Variants in ZNF211 observed in about 807,000 individuals in gnomAD.
ZNF211 encodes zinc finger protein 211.
In ZNF211, 18 loss-of-function variants were observed where a neutral mutation model predicts 12.1. The observed-to-expected ratio is 1.48, with a 90% CI of 1.03 to 2.20. The LOEUF (loss-of-function observed/expected upper bound fraction) is 2.20, where lower values mean the gene tolerates loss of function less well. Ranked by LOEUF, ZNF211 falls within the 30% of genes most tolerant of loss-of-function variation. ZNF211 has a pLI of 0.00. For missense variants in ZNF211, 677 were observed against 703.1 expected, an observed-to-expected ratio of 0.96 and a Z score of 0.42; for synonymous variants, 249 against 246.0, an observed-to-expected ratio of 1.01 and a Z score of -0.11.
Position 57,642,580 on chromosome 19 carries a change from C to T in ZNF211, c.*399C>T, listed in dbSNP as rs1983119021. The stretch of plus-strand genomic sequence containing the variant: ...AAGTTAGGGCATGGACTTGACCCAG[C>T]TTTGTGCCAGAGAACCCAATATGAG... On this transcript the variant is annotated 3_prime_UTR_variant, in exon 4 of 4. Coordinates refer to ENST00000240731, the MANE Select transcript of ZNF211 (RefSeq NM_006385.5). 1 of 168,312 alleles carries T rather than the reference C, an allele frequency of 5.9e-6. No individual in the cohort carries two copies. Among genetic ancestry groups the T allele is most frequent in the African/African-American group, 2.4e-5 (1 of 41,838 alleles). 10.4% of individuals were successfully genotyped at this position (168,312 alleles called of 1,614,324 possible). A position where few individuals can be genotyped will look rare whatever the true frequency, so the allele number is the denominator to read the frequency against.
intron 3 of ZNF211, among the ~76,000 whole-genome samples, chr19:57,639,181 T>C (rs1982527054): frequency 6.6e-6 from 1 of 152,164 alleles, no homozygotes; most frequent in Middle Eastern, 3.4e-3. Context: ...CTTTGTCTTT[T>C]GGCAGAGTTT....
In ZNF211 at chr19:57,641,184, A is replaced by G; in HGVS notation, c.737A>G (p.Lys246Arg). The G allele has an allele frequency of 1.2e-6, 2 of 1,614,228 alleles. No individual in the cohort carries two copies. Among genetic ancestry groups the G allele is most frequent in the East Asian group, 4.5e-5 (2 of 44,880 alleles). Residue 246 changes from lysine to arginine, a missense_variant, in exon 4 of 4, where the codon AAA (lysine) becomes AGA (arginine). Transcript: ENST00000240731. The part of the protein sequence containing the change: ...YSGKSHHNWG[K>R]CSKAFSHIDT... ...GGAAAAAGTCATCACAACTGGGGAA[A>G]ATGCAGTAAAGCCTTTAGCCACATA...
intron 1 of ZNF211, 71 bp from the exon 2 acceptor site, chr19:57,633,952 G>A: frequency 6.2e-7 from 1 of 1,605,924 alleles, no homozygotes; most frequent in South Asian, 1.1e-5. Flanking sequence ...CGGGGCAAGG[G>A]TACAGGGAAG....
In ZNF211 at chr19:57,634,632, A is replaced by T. The variant is rs1482040893; in HGVS notation, c.133A>T (p.Ser45Cys). 6.3e-7 allele frequency: 1 copy of T among 1,586,400 alleles called. No homozygotes were observed. Among genetic ancestry groups the T allele is most frequent in the Non-Finnish European group, 8.6e-7 (1 of 1,166,092 alleles). ...TCATCAATCCCTATTATGCTAGGGA[A>T]GTGTGACCTTTGAAGATGTGGCCGT... ...TEVLFKLTQG[S>C]VTFEDVAVYF... The change falls in exon 3 of 4, where the codon AGT (serine) becomes TGT (cysteine). Residue 45 changes from serine (S) to cysteine (C), a missense_variant. Ser to Cys is a moderately radical substitution (Grantham distance 112). Transcript: ENST00000240731.
At position 57,642,336 on chromosome 19, in the gene ZNF211, A is replaced by G. The variant is rs550052719; in HGVS notation, c.*155A>G. ...CCAGGTATGTGTTACACTTTCTAACATGCCATTTAGAAAGTGTTAGACTTT... is the reference window on the plus strand; with the variant it reads ...CCAGGTATGTGTTACACTTTCTAACGTGCCATTTAGAAAGTGTTAGACTTT... On this transcript the variant is annotated 3_prime_UTR_variant, in exon 4 of 4. Transcript: ENST00000240731. 1,419 of 820,192 alleles carry G rather than the reference A, an allele frequency of 1.7e-3. 3 individuals carry two copies. Among genetic ancestry groups the G allele is most frequent in the Non-Finnish European group, 2.3e-3 (1,239 of 539,140 alleles). The allele number at this position is 820,192 out of a possible 1,614,324, so 50.8% of individuals were successfully genotyped here.
chr19:57,642,377 T>TGATAC lies in ZNF211; in HGVS notation c.*197_*198insATACG. The TGATAC allele has an allele frequency of 1.6e-6, 1 of 613,434 alleles. No homozygotes were observed. The highest frequency in any genetic ancestry group is 2.7e-6 in the Non-Finnish European group (1 of 369,428). The allele number at this position is 613,434 out of a possible 1,614,324, so 38.0% of individuals were successfully genotyped here. A position where few individuals can be genotyped will look rare whatever the true frequency, so the allele number is the denominator to read the frequency against. On this transcript the variant is annotated 3_prime_UTR_variant, in exon 4 of 4. Transcript: ENST00000240731. ...GTTAGACTTTCTCACCTGCCATTTATGGCTCTTGCCGTTTATGTCACTGAC... is the reference window on the plus strand; with the variant it reads ...GTTAGACTTTCTCACCTGCCATTTATGATACGGCTCTTGCCGTTTATGTCACTGAC...
At position 57,641,777 on chromosome 19, in the gene ZNF211, G is replaced by A. The variant is rs1184245666; in HGVS notation, c.1330G>A (p.Gly444Arg). 2 of 1,613,640 alleles carry A rather than the reference G, an allele frequency of 1.2e-6. No homozygotes were observed. The highest frequency in any genetic ancestry group is 3.3e-5 in the Admixed American group (2 of 59,970). ...AAGACCCTATGAGTGCAGTAAATGT[G>A]GGAAGTCATTTAAGCAAAGCTCCAG... ...GERPYECSKC[G>R]KSFKQSSSFS... Residue 444 changes from glycine to arginine, a missense_variant, in exon 4 of 4, where the codon GGG becomes AGG. Transcript: ENST00000240731.
Position 57,641,588 on chromosome 19 carries a change from C to A in ZNF211, c.1141C>A (p.Pro381Thr). 6.2e-7 allele frequency: 1 copy of A among 1,614,042 alleles called. No homozygotes were observed. The highest frequency in any genetic ancestry group is 8.5e-7 in the Non-Finnish European group (1 of 1,180,012). The change falls in exon 4 of 4, where the codon CCT becomes ACT. Residue 381 changes from proline to threonine, a missense_variant. Pro to Thr is a conservative substitution (Grantham distance 38, BLOSUM62 -1). Transcript: ENST00000240731. ...TCGCAGAGTTCACACTGGAGAAAGG[C>A]CTTATGAATGCAGCGAATGTGGGAA... ...QHRRVHTGERPYECSECGKSF... is the reference protein window; with the variant it reads ...QHRRVHTGERTYECSECGKSF...
intron 3 of ZNF211, chr19:57,640,034 C>T (rs1982685564): frequency 6.5e-7 from 1 of 1,535,838 alleles, no homozygotes; most frequent in African/African-American, 1.4e-5. Flanking sequence ...GCCTGGCCTA[C>T]ATGAATGGCA....
Position 57,640,965 on chromosome 19 carries a change from A to G in ZNF211, c.518A>G (p.Glu173Gly). 1 of 1,614,220 alleles carries G rather than the reference A, an allele frequency of 6.2e-7. No individual in the cohort carries two copies. Among genetic ancestry groups the G allele is most frequent in the Non-Finnish European group, 8.5e-7 (1 of 1,180,038 alleles). Residue 173 changes from glutamate to glycine, a missense_variant, in exon 4 of 4, where the codon GAG (glutamate) becomes GGG (glycine). Transcript: ENST00000240731. ...LQQHQRQHIT[E>G]APFRSYVDTA... ...CAGCACCAGAGGCAGCACATTACAG[A>G]GGCACCTTTCAGAAGTTATGTGGAC... is the stretch of plus-strand genomic sequence containing the variant.
rs140568806 is a variant in ZNF211, at chr19:57,640,733, A to T, written c.286A>T (p.Thr96Ser). Residue 96 changes from threonine to serine, a missense_variant, in exon 4 of 4, where the codon ACA becomes TCA. Thr to Ser is a moderately conservative substitution (Grantham distance 58). Coordinates refer to ENST00000240731, the MANE Select transcript of ZNF211 (RefSeq NM_006385.5). ...TTGGTGTGGAGTGGAACATGAGGAA[A>T]CACCTTCTGAACAGAGAATTTCTGG... ...GCWCGVEHEETPSEQRISGER... is the reference protein window; with the variant it reads ...GCWCGVEHEESPSEQRISGER... 6.2e-6 allele frequency: 10 copies of T among 1,614,076 alleles called. No homozygotes were observed. In the African/African-American group the frequency reaches 1.3e-4, roughly 22 times the overall value.
intron 1 of ZNF211, 121 bp from the exon 2 acceptor site, chr19:57,633,902 A>G (rs762665875): frequency 2.5e-6 from 4 of 1,608,646 alleles, no homozygotes; most frequent in South Asian, 1.1e-5. Flanking sequence ...ACCGAGGCGC[A>G]CAGGTTAGAC....
At chr19:57,633,717 G>T in intron 1 of ZNF211, 1 of 1,533,104 alleles carries the variant, frequency 6.5e-7, no homozygotes, top group Non-Finnish European at 8.7e-7. Flanking sequence ...TCTTAGGGCC[G>T]TGGGAGCCAT....
intron 3 of ZNF211, among the ~76,000 whole-genome samples, chr19:57,638,481 C>T (rs1251284625): frequency 6.6e-6 from 1 of 152,000 alleles, no homozygotes; most frequent in African/African-American, 2.4e-5. Flanking sequence ...CTTCTGATTT[C>T]TTCATGGCCC....
rs1983242528 is a variant in ZNF211 at position 57,643,917 on chromosome 19, G to C, written c.*1736G>C. 6.6e-6 allele frequency among the ~76,000 whole-genome samples: 1 copy of C among 152,064 alleles called. No homozygotes were observed. The highest frequency in any genetic ancestry group is 6.6e-5 in the Admixed American group (1 of 15,256). On this transcript the variant is annotated 3_prime_UTR_variant, in exon 4 of 4. Coordinates refer to ENST00000240731, the MANE Select transcript of ZNF211 (RefSeq NM_006385.5). ...GATTCTTCAATGGAGCTTATATGTG[G>C]TGGTCATTCTTTTTATTGCTGAGTG...
At chr19:57,633,795 T>C in intron 1 of ZNF211, 1 of 1,554,638 alleles carries the variant, frequency 6.4e-7, no homozygotes. Context: ...GGCTGTTCAG[T>C]GGAAGAAAAG....
At position 57,633,284 on chromosome 19, in the gene ZNF211, G is replaced by C. The variant is rs1282024140; in HGVS notation, c.-63G>C. ...GGGATCGAAGTGACGGACCGTGAAGGCGCGAGAGTCAGGTCTGAGGGTCGG... is the reference window on the plus strand; with the variant it reads ...GGGATCGAAGTGACGGACCGTGAAGCCGCGAGAGTCAGGTCTGAGGGTCGG... On this transcript the variant is annotated 5_prime_UTR_variant, in exon 1 of 4. Transcript: ENST00000240731. 1.4e-6 allele frequency: 2 copies of C among 1,414,828 alleles called. No homozygotes were observed. The highest frequency in any genetic ancestry group is 1.4e-5 in the African/African-American group (1 of 69,322). 87.6% of individuals were successfully genotyped at this position (1,414,828 alleles called of 1,614,324 possible). A position where few individuals can be genotyped will look rare whatever the true frequency, so the allele number is the denominator to read the frequency against.
chr19:57,633,934 C>T, intron 1 of ZNF211, 89 bp from the exon 2 acceptor site: 1 of 1,607,958 alleles, frequency 6.2e-7, no homozygotes, highest in Non-Finnish European at 8.5e-7. Context: ...AGTTACGTGG[C>T]TCTGGGCCGG....
Position 57,643,748 on chromosome 19 carries a change from TCTCC to T in ZNF211, c.*1573_*1576del, listed in dbSNP as rs1015870959. 6.6e-6 allele frequency among the ~76,000 whole-genome samples: 1 copy of T among 152,142 alleles called. No individual in the cohort carries two copies. Among genetic ancestry groups the T allele is most frequent in the African/African-American group, 2.4e-5 (1 of 41,440 alleles). On this transcript the variant is annotated 3_prime_UTR_variant, in exon 4 of 4. Transcript: ENST00000240731. ...ATTTACCTCAGGCCTTTTTCTAAGC[TCTCC>T]CTCCCCTCTCTGGCCCTCAAGGCAA...
Sources: allele counts gnomAD v4.1 joint callset (sites outside exome capture counted in the v4.1 genomes callset), GRCh38; gene constraint gnomAD v4.1.1; transcripts MANE v1.5; gene names NCBI Gene and HGNC (gene_info 2026-07-23, HGNC 2026-07-21).